Variants in ENTREP2 observed in about 807,000 individuals in gnomAD.
ENTREP2 encodes the protein protein ENTREP2.
chr15:29,659,068 C>A, the ENTREP2 span, among the ~76,000 whole-genome samples: 1 of 152,360 alleles, frequency 6.6e-6, no homozygotes, highest in African/African-American at 2.4e-5. Context: ...CCTGTCCTTT[C>A]TAGCACATAA....
the ENTREP2 span, among the ~76,000 whole-genome samples, chr15:29,559,832 G>C: frequency 1.3e-5 from 2 of 152,092 alleles, no homozygotes; most frequent in African/African-American, 4.8e-5. Context: ...TTTGCCATGT[G>C]AGACACAGAT....
chr15:29,145,188 G>A, the ENTREP2 span, among the ~76,000 whole-genome samples: 1 of 152,110 alleles, frequency 6.6e-6, no homozygotes, highest in Non-Finnish European at 1.5e-5. Context: ...GATTTATCTC[G>A]CAAATGCAAG....
the ENTREP2 span, among the ~76,000 whole-genome samples, chr15:29,601,821 T>C: frequency 6.6e-6 from 1 of 152,160 alleles, no homozygotes; most frequent in Non-Finnish European, 1.5e-5. Context: ...GGCAGTGCAA[T>C]TGAATGACAT....
chr15:29,145,791 T>C, the ENTREP2 span, among the ~76,000 whole-genome samples: 4 of 152,270 alleles, frequency 2.6e-5, no homozygotes, highest in African/African-American at 7.2e-5. Context: ...TCACTGCTTC[T>C]ATTCAACATC....
the ENTREP2 span, among the ~76,000 whole-genome samples, chr15:29,469,064 C>A: frequency 6.6e-6 from 1 of 152,172 alleles, no homozygotes; most frequent in Non-Finnish European, 1.5e-5. Flanking sequence ...TCCACCCCAT[C>A]CCGATAGCCC....
the ENTREP2 span, among the ~76,000 whole-genome samples, chr15:29,377,864 A>ATAATAAT: frequency 2.3e-3 from 238 of 103,346 alleles, 1 homozygote; most frequent in Non-Finnish European, 3.7e-3. Flanking sequence ...AATAATAATA[A>ATAATAAT]AAAAATGAGC....
the ENTREP2 span, among the ~76,000 whole-genome samples, chr15:29,229,944 G>A: frequency 2.0e-5 from 3 of 148,638 alleles, no homozygotes; most frequent in Non-Finnish European, 4.5e-5. Flanking sequence ...GATATCCAAA[G>A]ACACTTCAAA....
chr15:29,165,799 G>C, the ENTREP2 span, among the ~76,000 whole-genome samples: 283 of 152,174 alleles, frequency 1.9e-3, no homozygotes, highest in Middle Eastern at 0.01. Flanking sequence ...GAGAAAGAAG[G>C]AACTCTCTCT....
the ENTREP2 span, chr15:29,252,569 A>AC: frequency 1.5e-6 from 1 of 669,082 alleles, no homozygotes; most frequent in South Asian, 2.2e-5. Flanking sequence ...CATTTATTAT[A>AC]CAACAGTTGA....
At chr15:29,159,049 G>A in the ENTREP2 span, among the ~76,000 whole-genome samples, 3 of 152,196 alleles carry the variant, frequency 2.0e-5, no homozygotes, top group African/African-American at 7.2e-5. Flanking sequence ...GCGGGTCGTG[G>A]TAGTGTATCT....
the ENTREP2 span, among the ~76,000 whole-genome samples, chr15:29,614,701 T>G: frequency 0.052 from 7,901 of 152,218 alleles, 242 homozygotes; most frequent in East Asian, 0.15. Context: ...ACCCAGATAA[T>G]GTGCACCATC....
At chr15:29,235,927 C>A in the ENTREP2 span, among the ~76,000 whole-genome samples, 6 of 151,996 alleles carry the variant, frequency 3.9e-5, no homozygotes, top group Admixed American at 2.6e-4. Flanking sequence ...TGAGCCACTG[C>A]ACTCCAGCCT....
the ENTREP2 span, among the ~76,000 whole-genome samples, chr15:29,545,465 A>T: frequency 3.3e-5 from 5 of 152,244 alleles, no homozygotes; most frequent in Non-Finnish European, 5.9e-5. Flanking sequence ...TTAAGAGTCC[A>T]GTTTTGTGAT....
At chr15:29,456,290 T>C in the ENTREP2 span, among the ~76,000 whole-genome samples, 1 of 152,214 alleles carries the variant, frequency 6.6e-6, no homozygotes, top group Non-Finnish European at 1.5e-5. Context: ...AGGATAATAC[T>C]GCATGTTCTT....
chr15:29,500,323 T>G, the ENTREP2 span, among the ~76,000 whole-genome samples: 1 of 152,126 alleles, frequency 6.6e-6, no homozygotes, highest in Admixed American at 6.5e-5. Flanking sequence ...AACATTTTCC[T>G]GATGAAACAT....
chr15:29,398,718 C>T, the ENTREP2 span, among the ~76,000 whole-genome samples: 3 of 152,136 alleles, frequency 2.0e-5, no homozygotes, highest in African/African-American at 4.8e-5. Context: ...AGCGAGACTC[C>T]GTCTCAAAAA....
chr15:29,201,648 C>G, the ENTREP2 span, among the ~76,000 whole-genome samples: 1 of 152,058 alleles, frequency 6.6e-6, no homozygotes, highest in African/African-American at 2.4e-5. Context: ...TATATAACTC[C>G]TTTCAGATAT....
chr15:29,206,132 T>G, the ENTREP2 span, among the ~76,000 whole-genome samples: 1 of 152,298 alleles, frequency 6.6e-6, no homozygotes, highest in East Asian at 1.9e-4. Flanking sequence ...TAGAAATTTA[T>G]TTCTCAGAGT....
At chr15:29,521,422 A>G in the ENTREP2 span, among the ~76,000 whole-genome samples, 244 of 152,342 alleles carry the variant, frequency 1.6e-3, no homozygotes, top group Middle Eastern at 3.4e-3. Flanking sequence ...TTAACAGACA[A>G]TTCTCCATGA....
Sources: gnomAD v4.1 joint callset for allele counts (sites outside exome capture counted in the v4.1 genomes callset) on GRCh38, gnomAD v4.1.1 for gene constraint, MANE v1.5 for transcripts, NCBI Gene and HGNC (gene_info 2026-07-23, HGNC 2026-07-21) for gene names.